STAG1: variants seen among roughly 807,000 people sequenced by gnomAD.
The protein encoded by STAG1 is STAG1 cohesin complex component.
A neutral mutation model predicts 170.9 loss-of-function variants in STAG1; 26 were observed. The ratio of observed to expected loss-of-function variants is 0.15; its 90% confidence interval spans 0.11 to 0.21. STAG1 has a LOEUF of 0.21. STAG1 is among the 10% of genes least tolerant of loss of function. STAG1 has a pLI of 1.00. For missense variants in STAG1, 964 were observed against 1,509.5 expected, an observed-to-expected ratio of 0.64 and a Z score of 5.99; for synonymous variants, 514 against 497.7, an observed-to-expected ratio of 1.03 and a Z score of -0.44.
At chr3:136,596,190 A>T (rs1938421812) in intron 4 of STAG1, among the ~76,000 whole-genome samples, 1 of 152,236 alleles carries the variant, frequency 6.6e-6, no homozygotes, top group Admixed American at 6.5e-5. Flanking sequence ...AAATGCTATC[A>T]AACAGCATTG....
At chr3:136,434,484 T>C (rs1244957263) in intron 15 of STAG1, among the ~76,000 whole-genome samples, 3 of 152,188 alleles carry the variant, frequency 2.0e-5, no homozygotes, top group Non-Finnish European at 4.4e-5. Flanking sequence ...GATTTGTCTA[T>C]GTTTATTCTT....
At chr3:136,618,848 A>C (rs1428622472) in intron 3 of STAG1, among the ~76,000 whole-genome samples, 1 of 152,210 alleles carries the variant, frequency 6.6e-6, no homozygotes, top group Non-Finnish European at 1.5e-5. Flanking sequence ...GACTGCAAAG[A>C]AATACACACT....
chr3:136,461,441 ATTG>A (rs1216911151), intron 13 of STAG1, among the ~76,000 whole-genome samples: 2 of 152,206 alleles, frequency 1.3e-5, no homozygotes, highest in African/African-American at 2.4e-5. Flanking sequence ...CGCCCAAAAA[ATTG>A]TTGTGAGAAC....
At chr3:136,363,919 A>T (rs1936976295) in intron 25 of STAG1, among the ~76,000 whole-genome samples, 1 of 151,894 alleles carries the variant, frequency 6.6e-6, no homozygotes, top group African/African-American at 2.4e-5. Context: ...ACGCCTGGCT[A>T]ATTTTTTTAA....
intron 3 of STAG1, among the ~76,000 whole-genome samples, chr3:136,615,966 TATAAA>T (rs1480952522): frequency 6.6e-6 from 1 of 151,702 alleles, no homozygotes; most frequent in African/African-American, 2.4e-5. Context: ...ACAGTGAGCT[TATAAA>T]GTAAAAGTCA....
chr3:136,719,666 G>A (rs1933103564), intron 1 of STAG1, among the ~76,000 whole-genome samples: 1 of 106,806 alleles, frequency 9.4e-6, no homozygotes, highest in African/African-American at 3.6e-5. Context: ...TGGGTGGGTA[G>A]GTGGGTGGGT....
At chr3:136,682,275 AT>A (rs913387947) in intron 1 of STAG1, among the ~76,000 whole-genome samples, 3 of 151,838 alleles carry the variant, frequency 2.0e-5, no homozygotes, top group African/African-American at 7.3e-5. Flanking sequence ...AAATACAAAA[AT>A]TAGCCAGGCG....
At chr3:136,539,161 G>T (rs1935778312) in intron 6 of STAG1, among the ~76,000 whole-genome samples, 1 of 151,906 alleles carries the variant, frequency 6.6e-6, no homozygotes, top group African/African-American at 2.4e-5. Context: ...TTTTAGTGAT[G>T]GGATATACAA....
intron 5 of STAG1, among the ~76,000 whole-genome samples, chr3:136,568,420 A>T (rs1177452415): frequency 6.6e-6 from 1 of 152,176 alleles, no homozygotes; most frequent in South Asian, 2.1e-4. Context: ...AATGCTAGCA[A>T]CTAGCACACT....
At chr3:136,379,386 G>C (rs981593076) in intron 22 of STAG1, among the ~76,000 whole-genome samples, 5 of 152,064 alleles carry the variant, frequency 3.3e-5, no homozygotes, top group African/African-American at 1.2e-4. Context: ...TACAGAAAAA[G>C]GTATTCCAGT....
At chr3:136,373,041 ATTCAGAGATT>A (rs1937432431) in intron 23 of STAG1, among the ~76,000 whole-genome samples, 2 of 152,208 alleles carry the variant, frequency 1.3e-5, no homozygotes, top group Non-Finnish European at 2.9e-5. Flanking sequence ...TTATTGGTCT[ATTCAGAGATT>A]CAACTTCTTC....
intron 21 of STAG1, among the ~76,000 whole-genome samples, chr3:136,404,770 T>C (rs1347327661): frequency 6.6e-6 from 1 of 152,124 alleles, no homozygotes; most frequent in African/African-American, 2.4e-5. Flanking sequence ...GTAAAGCTTC[T>C]GGAATGTTTA....
chr3:136,403,245 A>G (rs1293486991), intron 21 of STAG1, among the ~76,000 whole-genome samples: 81 of 149,346 alleles, frequency 5.4e-4, no homozygotes, highest in African/African-American at 8.5e-4. Context: ...AAAAAAAAAA[A>G]AAAAAAAAGA....
chr3:136,744,824 T>C (rs889098236), intron 1 of STAG1, among the ~76,000 whole-genome samples: 1 of 152,020 alleles, frequency 6.6e-6, no homozygotes, highest in Non-Finnish European at 1.5e-5. Context: ...TACAGGCACA[T>C]GCCACCACAC....
In STAG1 at chr3:136,663,796, T is replaced by A. The variant is rs556163048; in HGVS notation, c.-83-32815A>T. ...AAACTCAGAAATCAAATCATAAACA[T>A]ATGGAAGGAAAAAAACTCCACTCTC... On this transcript the variant is annotated intron_variant, in intron 1 of 33. Coordinates refer to ENST00000383202, the MANE Select transcript of STAG1 (RefSeq NM_005862.3). Among the ~76,000 whole-genome samples the A allele has an allele frequency of 7.9e-5, 12 of 152,040 alleles. No homozygotes were observed. In the East Asian group the frequency reaches 2.3e-3, roughly 29 times the overall value.
rs1257159042 is a variant in STAG1, at chr3:136,394,652, T to C, written c.2277+4097A>G. Among the ~76,000 whole-genome samples, 3 of 151,680 alleles carry C rather than the reference T, an allele frequency of 2.0e-5. No homozygotes were observed. The East Asian group carries it at 5.8e-4, about 29-fold the overall frequency. ...AGTAGCCAGGCGTGGCTGGGTGTGG[T>C]GGCTCACACCTGTAATCCCAGCAAT... On this transcript the variant is annotated intron_variant, in intron 22 of 33. Coordinates refer to ENST00000383202, the MANE Select transcript of STAG1 (RefSeq NM_005862.3).
At position 136,424,115 on chromosome 3, in the gene STAG1, G is replaced by A. The variant is rs79373406; in HGVS notation, c.1651-1071C>T. ...TGACCTCAAGTGATCCACCACGCCCGGCCTTGTTGTTCAATCTTTTAAGCA... is the reference window on the plus strand; with the variant it reads ...TGACCTCAAGTGATCCACCACGCCCAGCCTTGTTGTTCAATCTTTTAAGCA... On this transcript the variant is annotated intron_variant, in intron 16 of 33. Coordinates refer to ENST00000383202, the MANE Select transcript of STAG1 (RefSeq NM_005862.3). 1.1e-4 allele frequency among the ~76,000 whole-genome samples: 16 copies of A among 151,920 alleles called. No individual in the cohort carries two copies. The East Asian group carries it at 3.1e-3, about 29-fold the overall frequency.
intron 1 of STAG1, among the ~76,000 whole-genome samples, chr3:136,679,326 TC>T (rs1277349715): frequency 6.6e-6 from 1 of 152,110 alleles, no homozygotes; most frequent in Non-Finnish European, 1.5e-5. Flanking sequence ...ATGCCTGTAA[TC>T]CCACCACTTT....
chr3:136,671,557 A>G (rs2107876152), intron 1 of STAG1, among the ~76,000 whole-genome samples: 1 of 152,320 alleles, frequency 6.6e-6, no homozygotes, highest in South Asian at 2.1e-4. Context: ...GGTTCTAAAA[A>G]CAGGACTCTT....
Sources: allele counts gnomAD v4.1 joint callset (sites outside exome capture counted in the v4.1 genomes callset), GRCh38; gene constraint gnomAD v4.1.1; transcripts MANE v1.5; gene names NCBI Gene and HGNC (gene_info 2026-07-23, HGNC 2026-07-21).